MARCHF1: variants seen among roughly 807,000 people sequenced by gnomAD.
MARCHF1 encodes membrane associated ring-CH-type finger 1, also known as E3 ubiquitin-protein ligase MARCHF1.
MARCHF1 carries 40 observed loss-of-function variants against 54.2 expected under a neutral mutation model. That is an observed-to-expected ratio of 0.74 (90% CI 0.57 to 0.96). MARCHF1 has a LOEUF of 0.96. MARCHF1 is among the 40% of genes least tolerant of loss of function. MARCHF1 has a pLI of 0.00. For missense variants in MARCHF1, 586 were observed against 656.5 expected (o/e 0.89, Z 1.17); for synonymous variants, 236 against 236.3 (o/e 1.00, Z 0.01).
At chr4:163,998,316 A>T (rs1237502692) in intron 2 of MARCHF1, among the ~76,000 whole-genome samples, 1 of 151,432 alleles carries the variant, frequency 6.6e-6, no homozygotes, top group Admixed American at 6.6e-5. Context: ...ATTAATAATC[A>T]TATAGATCTT....
At chr4:163,972,221 A>G (rs1403870388) in intron 3 of MARCHF1, among the ~76,000 whole-genome samples, 1 of 152,138 alleles carries the variant, frequency 6.6e-6, no homozygotes, top group Non-Finnish European at 1.5e-5. Flanking sequence ...TAGGGGAGGG[A>G]TAGTATTAGG....
At chr4:164,026,787 A>G (rs1305175706) in intron 2 of MARCHF1, among the ~76,000 whole-genome samples, 1 of 152,160 alleles carries the variant, frequency 6.6e-6, no homozygotes, top group Non-Finnish European at 1.5e-5. Flanking sequence ...GGAAAAAAAA[A>G]GTAGTAAAAC....
chr4:164,367,277 T>G (rs1730904286), intron 1 of MARCHF1, among the ~76,000 whole-genome samples: 1 of 152,154 alleles, frequency 6.6e-6, no homozygotes, highest in Non-Finnish European at 1.5e-5. Flanking sequence ...TTCCTAATTT[T>G]ATACAGACAG....
At chr4:164,311,712 C>T (rs1348284818) in intron 1 of MARCHF1, among the ~76,000 whole-genome samples, 1 of 151,920 alleles carries the variant, frequency 6.6e-6, no homozygotes, top group South Asian at 2.1e-4. Context: ...ATTTGAAAGC[C>T]CATTAAATTA....
At chr4:163,841,689 G>C (rs1177074806) in intron 4 of MARCHF1, among the ~76,000 whole-genome samples, 1 of 152,092 alleles carries the variant, frequency 6.6e-6, no homozygotes, top group Non-Finnish European at 1.5e-5. Flanking sequence ...ATGAAAACAA[G>C]ATAACCAGTT....
intron 4 of MARCHF1, among the ~76,000 whole-genome samples, chr4:163,745,359 G>A (rs1304881324): frequency 6.6e-6 from 1 of 151,678 alleles, no homozygotes; most frequent in African/African-American, 2.4e-5. Context: ...GTGATCCACC[G>A]GCCTCAGCCT....
intron 4 of MARCHF1, among the ~76,000 whole-genome samples, chr4:163,799,206 A>G (rs1216023824): frequency 6.6e-6 from 1 of 152,134 alleles, no homozygotes; most frequent in Non-Finnish European, 1.5e-5. Flanking sequence ...CCCTATCTGG[A>G]TAGTGCGGAC....
At position 164,284,213 on chromosome 4, in the gene MARCHF1, A is replaced by G. The variant is rs192388185; in HGVS notation, c.-323+99657T>C. Among the ~76,000 whole-genome samples, 575 of 151,018 alleles carry G rather than the reference A, an allele frequency of 3.8e-3. 24 individuals are homozygous for G. Among genetic ancestry groups the G allele is most frequent in the African/African-American group, 0.014 (557 of 41,164 alleles). ...ATGTGATACTGGATTGTTTTTGATA[A>G]TGTATTAATTTGAGTATTCCTTGGA... is the stretch of plus-strand genomic sequence containing the variant. On this transcript the variant is annotated intron_variant, in intron 1 of 9. Transcript: ENST00000514618.
intron 1 of MARCHF1, among the ~76,000 whole-genome samples, chr4:164,365,988 C>A (rs1353193750): frequency 1.3e-5 from 2 of 152,076 alleles, no homozygotes; most frequent in East Asian, 3.9e-4. Context: ...CTGAAACGCA[C>A]ACATTGCATA....
intron 1 of MARCHF1, among the ~76,000 whole-genome samples, chr4:164,156,132 C>A (rs1730070344): frequency 6.6e-6 from 1 of 152,116 alleles, no homozygotes. Context: ...AATGGGAAAT[C>A]TGGGTTCAAT....
intron 3 of MARCHF1, among the ~76,000 whole-genome samples, chr4:163,952,559 A>C (rs1467759836): frequency 6.6e-6 from 1 of 152,192 alleles, no homozygotes; most frequent in African/African-American, 2.4e-5. Context: ...GGTCTGCATG[A>C]GGTGCTTATC....
At chr4:164,197,137 T>TCCTCCTCCTCCTCGC in intron 1 of MARCHF1, 1 of 1,602,812 alleles carries the variant, frequency 6.2e-7, no homozygotes, top group African/African-American at 1.3e-5. Flanking sequence ...TTCACCTTCC[T>TCCTCCTCCTCCTCGC]CCTCCTCCTC....
rs551735788 is a variant in MARCHF1, at chr4:163,961,880, A to C, written c.-39+26621T>G. On this transcript the variant is annotated intron_variant, in intron 3 of 9. Coordinates refer to ENST00000514618, the MANE Select transcript of MARCHF1 (RefSeq NM_001394959.1). ...AGAAAGGTTTTAAGTAGAAGAGCAT[A>C]TTATTATTTTGTAGAAGAGTTTCAC... Among the ~76,000 whole-genome samples the C allele has an allele frequency of 1.4e-4, 22 of 152,038 alleles. No homozygotes were observed. In the South Asian group the frequency reaches 4.6e-3, roughly 31 times the overall value.
At chr4:163,794,078 G>A (rs1747846510) in intron 4 of MARCHF1, among the ~76,000 whole-genome samples, 1 of 152,090 alleles carries the variant, frequency 6.6e-6, no homozygotes, top group Admixed American at 6.6e-5. Context: ...GCAAATTGTT[G>A]AGAATAGGCT....
intron 4 of MARCHF1, among the ~76,000 whole-genome samples, chr4:163,800,075 G>A (rs1436036267): frequency 5.3e-5 from 8 of 152,166 alleles, no homozygotes. Flanking sequence ...ATAAGTAGAA[G>A]CTAAACAATG....
At chr4:164,219,499 G>A (rs1264942435) in intron 1 of MARCHF1, among the ~76,000 whole-genome samples, 1 of 152,030 alleles carries the variant, frequency 6.6e-6, no homozygotes, top group East Asian at 1.9e-4. Flanking sequence ...TGAAATTCCA[G>A]TGTGTTTTAC....
chr4:163,968,128 G>A (rs749566814), intron 3 of MARCHF1, among the ~76,000 whole-genome samples: 1 of 152,120 alleles, frequency 6.6e-6, no homozygotes, highest in African/African-American at 2.4e-5. Flanking sequence ...CTTAGTTGCT[G>A]CAGGCATTTT....
chr4:164,144,026 C>G (rs1227647648), intron 1 of MARCHF1, among the ~76,000 whole-genome samples: 2 of 152,156 alleles, frequency 1.3e-5, no homozygotes, highest in Non-Finnish European at 2.9e-5. Context: ...CAATCCTAGT[C>G]TCTGATAAAA....
At chr4:163,938,285 A>G (rs775419857) in intron 3 of MARCHF1, among the ~76,000 whole-genome samples, 2 of 152,204 alleles carry the variant, frequency 1.3e-5, no homozygotes, top group Non-Finnish European at 2.9e-5. Context: ...CAAAAAGCAA[A>G]TGTATATCCA....
Sources: gnomAD v4.1 joint callset for allele counts (sites outside exome capture counted in the v4.1 genomes callset) on GRCh38, gnomAD v4.1.1 for gene constraint, MANE v1.5 for transcripts, NCBI Gene and HGNC (gene_info 2026-07-23, HGNC 2026-07-21) for gene names.